Variants in SSBP2 observed in about 807,000 individuals in gnomAD.
The protein encoded by SSBP2 is single-stranded DNA-binding protein 2.
SSBP2 carries 17 observed loss-of-function variants against 61.8 expected under a neutral mutation model. That is an observed-to-expected ratio of 0.28 (90% CI 0.19 to 0.41). SSBP2 has a LOEUF of 0.41. Ranked by LOEUF, SSBP2 falls within the 10% of genes least tolerant of loss-of-function variation. The pLI is 1.00. For missense variants in SSBP2, 310 were observed against 458.7 expected (o/e 0.68, Z 2.96); for synonymous variants, 139 against 141.3 (o/e 0.98, Z 0.12).
chr5:81,532,002 T>A (rs1770449547), intron 4 of SSBP2, among the ~76,000 whole-genome samples: 1 of 152,054 alleles, frequency 6.6e-6, no homozygotes, highest in Non-Finnish European at 1.5e-5. Context: ...TATGAAGTTA[T>A]CAGCTGTTAT....
intron 6 of SSBP2, among the ~76,000 whole-genome samples, chr5:81,483,945 A>C (rs535871021): frequency 3.3e-5 from 5 of 152,292 alleles, no homozygotes; most frequent in South Asian, 2.1e-4. Context: ...TCAAGTACTA[A>C]AACTACTGCA....
chr5:81,706,492 T>G (rs1256531407), intron 1 of SSBP2, among the ~76,000 whole-genome samples: 10 of 152,222 alleles, frequency 6.6e-5, no homozygotes, highest in Non-Finnish European at 4.4e-5. Context: ...AAAGTTTTAA[T>G]TATTTTTAAA....
chr5:81,438,712 G>T (rs186075721), intron 14 of SSBP2, among the ~76,000 whole-genome samples: 34 of 152,288 alleles, frequency 2.2e-4, no homozygotes, highest in Admixed American at 1.9e-3. Flanking sequence ...CTAAGATAAT[G>T]AGAGCCTTTT....
chr5:81,502,032 A>T (rs1211257675), intron 5 of SSBP2, among the ~76,000 whole-genome samples: 2 of 151,954 alleles, frequency 1.3e-5, no homozygotes, highest in African/African-American at 2.4e-5. Context: ...TCTTCCCTTG[A>T]CTTCTCCCTC....
intron 2 of SSBP2, among the ~76,000 whole-genome samples, chr5:81,648,033 G>A (rs1317147169): frequency 6.6e-6 from 1 of 152,078 alleles, no homozygotes; most frequent in Admixed American, 6.6e-5. Context: ...CCAGGATTAA[G>A]TGAATTGAGC....
At chr5:81,469,600 T>C (rs1181442869) in intron 8 of SSBP2, among the ~76,000 whole-genome samples, 1 of 151,932 alleles carries the variant, frequency 6.6e-6, no homozygotes, top group Non-Finnish European at 1.5e-5. Flanking sequence ...AGGCAGCATA[T>C]CTATGTTACT....
intron 1 of SSBP2, among the ~76,000 whole-genome samples, chr5:81,677,163 A>ATTT (rs773402957): frequency 1.6e-4 from 25 of 152,160 alleles, no homozygotes; most frequent in African/African-American, 4.6e-4. Context: ...ATTATTTATA[A>ATTT]AACTAATGTG....
At chr5:81,624,273 C>G (rs1472062687) in intron 3 of SSBP2, among the ~76,000 whole-genome samples, 1 of 152,116 alleles carries the variant, frequency 6.6e-6, no homozygotes. Flanking sequence ...TTTTATTAAG[C>G]ATATGTATGT....
chr5:81,581,657 G>A (rs983835136), intron 4 of SSBP2, among the ~76,000 whole-genome samples: 10 of 152,152 alleles, frequency 6.6e-5, no homozygotes, highest in African/African-American at 1.7e-4. Context: ...ATGAGTTTAT[G>A]AGATAAAGTG....
intron 4 of SSBP2, among the ~76,000 whole-genome samples, chr5:81,541,748 T>C (rs77723780): frequency 6.6e-6 from 1 of 152,118 alleles, no homozygotes; most frequent in Non-Finnish European, 1.5e-5. Flanking sequence ...GCCCCTACCT[T>C]TCACCATATA....
At position 81,420,387 on chromosome 5, in the gene SSBP2, T is replaced by C; in HGVS notation, c.*117A>G. On this transcript the variant is annotated 3_prime_UTR_variant, in exon 17 of 17. Coordinates refer to ENST00000320672, the MANE Select transcript of SSBP2 (RefSeq NM_012446.5). ...AGAGAGCAGGAAATAAAAAGGTTGGTTTGGTGTGACTGAGATTCCTTTGTT... is the reference window on the plus strand; with the variant it reads ...AGAGAGCAGGAAATAAAAAGGTTGGCTTGGTGTGACTGAGATTCCTTTGTT... 1 of 1,023,080 alleles carries C rather than the reference T, an allele frequency of 9.8e-7. No homozygotes were observed. The highest frequency in any genetic ancestry group is 1.5e-6 in the Non-Finnish European group (1 of 663,924). 63.4% of individuals were successfully genotyped at this position (1,023,080 alleles called of 1,614,324 possible). A position where few individuals can be genotyped will look rare whatever the true frequency, so the allele number is the denominator to read the frequency against.
chr5:81,588,791 C>G (rs1405568111), intron 4 of SSBP2, among the ~76,000 whole-genome samples: 2 of 152,120 alleles, frequency 1.3e-5, no homozygotes, highest in African/African-American at 2.4e-5. Flanking sequence ...TGGGCCCGTG[C>G]AGTGGTCCAT....
chr5:81,446,651 C>G (rs952372076), intron 12 of SSBP2, among the ~76,000 whole-genome samples: 3 of 152,090 alleles, frequency 2.0e-5, no homozygotes, highest in African/African-American at 7.2e-5. Flanking sequence ...AGTGTTCATC[C>G]TAATTAAATC....
At chr5:81,738,941 G>A (rs1254475513) in intron 1 of SSBP2, among the ~76,000 whole-genome samples, 1 of 151,932 alleles carries the variant, frequency 6.6e-6, no homozygotes, top group Admixed American at 6.6e-5. Context: ...GAGGTGGGTG[G>A]ATCACTCGAG....
At chr5:81,554,336 T>C (rs2153383012) in intron 4 of SSBP2, among the ~76,000 whole-genome samples, 1 of 151,980 alleles carries the variant, frequency 6.6e-6, no homozygotes, top group South Asian at 2.1e-4. Flanking sequence ...ATTACTGACA[T>C]TCTTTCATTC....
intron 4 of SSBP2, among the ~76,000 whole-genome samples, chr5:81,548,423 TAAAATATACTTAA>T (rs1771918270): frequency 6.6e-6 from 1 of 152,152 alleles, no homozygotes; most frequent in South Asian, 2.1e-4. Context: ...GTTCTAATAA[TAAAATATACTTAA>T]GAAATATATG....
chr5:81,556,712 G>A (rs553209935), intron 4 of SSBP2, among the ~76,000 whole-genome samples: 2 of 152,188 alleles, frequency 1.3e-5, no homozygotes, highest in South Asian at 2.1e-4. Flanking sequence ...AAGACAGCAT[G>A]ATATACTAGT....
intron 4 of SSBP2, among the ~76,000 whole-genome samples, chr5:81,592,027 A>G (rs924097941): frequency 3.3e-5 from 5 of 152,230 alleles, no homozygotes; most frequent in Admixed American, 2.6e-4. Context: ...AAGCCGAAGC[A>G]GGGCGAGGCA....
chr5:81,452,428 T>G (rs1166844510), intron 10 of SSBP2, among the ~76,000 whole-genome samples: 1 of 152,134 alleles, frequency 6.6e-6, no homozygotes, highest in Non-Finnish European at 1.5e-5. Flanking sequence ...CACCTAGCCC[T>G]AAATTTATGT....
Sources: gnomAD v4.1 joint callset for allele counts (sites outside exome capture counted in the v4.1 genomes callset) on GRCh38, gnomAD v4.1.1 for gene constraint, MANE v1.5 for transcripts, NCBI Gene and HGNC (gene_info 2026-07-23, HGNC 2026-07-21) for gene names.